ARMH1: variants seen among roughly 807,000 people sequenced by gnomAD.
The protein encoded by ARMH1 is armadillo like helical domain containing 1.
A neutral mutation model predicts 50.2 loss-of-function variants in ARMH1; 34 were observed. The observed-to-expected ratio is 0.68, with a 90% CI of 0.51 to 0.90. ARMH1 has a LOEUF of 0.90. Ranked by LOEUF, ARMH1 falls within the 40% of genes least tolerant of loss-of-function variation. The pLI, the probability that ARMH1 is intolerant of heterozygous loss-of-function variation, is 0.00. For synonymous variants in ARMH1, 221 were observed against 224.2 expected (o/e 0.99, Z 0.13); for missense variants, 538 against 553.9 (o/e 0.97, Z 0.29).
At chr1:44,713,097 C>CTTT (rs538780455) in intron 6 of ARMH1, among the ~76,000 whole-genome samples, 11 of 118,854 alleles carry the variant, frequency 9.3e-5, no homozygotes, top group Admixed American at 2.7e-4. Context: ...TGCGCCCGGC[C>CTTT]TTTTTTTTTT....
chr1:44,713,545 A>G (rs1646712636), intron 6 of ARMH1, among the ~76,000 whole-genome samples: 2 of 152,204 alleles, frequency 1.3e-5, no homozygotes, highest in African/African-American at 4.8e-5. Context: ...TGCTATTTTT[A>G]AAAGATGCAT....
Position 44,697,124 on chromosome 1 carries a change from G to C in ARMH1, c.229G>C (p.Glu77Gln). ...RITYMTDSCL[E>Q]KLLRSIGIFL... ...CAGCTATATGACTGACTCATGTTTAGAAAAGCTTCTCAGGTCCATTGGCAT... is the reference window on the plus strand; with the variant it reads ...CAGCTATATGACTGACTCATGTTTACAAAAGCTTCTCAGGTCCATTGGCAT... The change falls in exon 3 of 12, where the codon GAA becomes CAA. Residue 77 changes from glutamate (E) to glutamine (Q), a missense_variant. Glu to Gln is a conservative substitution (Grantham distance 29). Coordinates refer to ENST00000535358, the MANE Select transcript of ARMH1 (RefSeq NM_001145636.2). The C allele has an allele frequency of 6.4e-7, 1 of 1,552,190 alleles. No homozygotes were observed.
At position 44,724,802 on chromosome 1, in the gene ARMH1, G is replaced by A. The variant is rs752089217; in HGVS notation, c.1091G>A (p.Arg364His). 14 of 1,543,322 alleles carry A rather than the reference G, an allele frequency of 9.1e-6. No individual in the cohort carries two copies. Among genetic ancestry groups the A allele is most frequent in the Admixed American group, 2.0e-5 (1 of 50,956 alleles). ...QMFPLVAEHV[R>H]KCMGEELYQL... is the part of the protein sequence containing the mutation. ...TTCCCCTTGGTGGCGGAGCACGTGC[G>A]CAAGTGCATGGGGGAGGAACTCTAC... The change falls in exon 10 of 12, where the codon CGC (arginine) becomes CAC (histidine). Residue 364 changes from arginine to histidine, a missense_variant. Coordinates refer to ENST00000535358, the MANE Select transcript of ARMH1 (RefSeq NM_001145636.2). This position sits in a 1 kb window ranked among gnomAD's most constrained non-coding sequence, Gnocchi z 6.4.
In ARMH1 at chr1:44,721,796, A is replaced by C. The variant is rs538856705; in HGVS notation, c.725-2326A>C. ...AGTAACAGAACATTCAGCCTTGCCT[A>C]GGCAAGACTTCAAAAAATTTAACCA... On this transcript the variant is annotated intron_variant, in intron 6 of 11. Transcript: ENST00000535358. 6 of 151,716 alleles carry C rather than the reference A, an allele frequency of 4.0e-5. No homozygotes were observed. The East Asian group carries it at 9.6e-4, about 24-fold the overall frequency. 9.4% of individuals were successfully genotyped at this position (151,716 alleles called of 1,614,324 possible).
At chr1:44,707,821 G>C (rs1646411037) in intron 6 of ARMH1, among the ~76,000 whole-genome samples, 1 of 152,172 alleles carries the variant, frequency 6.6e-6, no homozygotes, top group Admixed American at 6.5e-5. Context: ...CATTTATTCA[G>C]TAACAACTAA....
intron 5 of ARMH1, among the ~76,000 whole-genome samples, chr1:44,703,594 T>G (rs886439127): frequency 1.4e-5 from 2 of 147,192 alleles, no homozygotes; most frequent in African/African-American, 2.5e-5. Flanking sequence ...CTGGGCATGG[T>G]GGCGGGCACC....
Position 44,700,988 on chromosome 1 carries a change from G to T in ARMH1, c.508G>T (p.Val170Phe). Residue 170 changes from valine to phenylalanine, a missense_variant, in exon 5 of 12, where the codon GTT becomes TTT. Coordinates refer to ENST00000535358, the MANE Select transcript of ARMH1 (RefSeq NM_001145636.2). ...KSEETQEEVQ[V>F]LLDSLVHGNP... ...AGAAGAGACCCAGGAGGAAGTGCAG[G>T]TTCTGTTGGATTCTTTGGTCCACGG... 1 of 1,551,644 alleles carries T rather than the reference G, an allele frequency of 6.4e-7. No individual in the cohort carries two copies. The highest frequency in any genetic ancestry group is 8.7e-7 in the Non-Finnish European group (1 of 1,146,986).
At chr1:44,689,204 GGT>G (rs1645575286) in intron 1 of ARMH1, 1 of 157,918 alleles carries the variant, frequency 6.3e-6, no homozygotes, top group Non-Finnish European at 1.4e-5. Flanking sequence ...TGGGATTACA[GGT>G]GCCTGCCACC....
intron 6 of ARMH1, among the ~76,000 whole-genome samples, chr1:44,720,088 T>C (rs1306093332): frequency 6.6e-6 from 1 of 151,138 alleles, no homozygotes; most frequent in East Asian, 1.9e-4. Context: ...TCCTAGCTAC[T>C]TGGGAGGCTG....
Position 44,725,477 on chromosome 1 carries a change from C to G in ARMH1, c.*74C>G, listed in dbSNP as rs1265254522. 1.4e-6 allele frequency: 2 copies of G among 1,449,336 alleles called. No individual in the cohort carries two copies. The highest frequency in any genetic ancestry group is 1.4e-5 in the African/African-American group (1 of 70,856). The allele number at this position is 1,449,336 out of a possible 1,614,324, so 89.8% of individuals were successfully genotyped here. The stretch of plus-strand genomic sequence containing the variant: ...CTGGCAAGAGGAAGGCGCCTGGGGT[C>G]AAGCTCAGAGCCACTCCACTTGGCT... On this transcript the variant is annotated 3_prime_UTR_variant, in exon 12 of 12. Coordinates refer to ENST00000535358, the MANE Select transcript of ARMH1 (RefSeq NM_001145636.2).
intron 1 of ARMH1, among the ~76,000 whole-genome samples, chr1:44,680,939 C>G (rs1043827286): frequency 6.6e-6 from 1 of 151,950 alleles, no homozygotes; most frequent in Non-Finnish European, 1.5e-5. Flanking sequence ...TTGTCAAGGC[C>G]GTAGGAATGA....
rs569413474 is a variant in ARMH1 at position 44,682,091 on chromosome 1, G to T, written c.-23+7218G>T. 6.6e-6 allele frequency among the ~76,000 whole-genome samples: 1 copy of T among 152,354 alleles called. No homozygotes were observed. Among genetic ancestry groups the T allele is most frequent in the East Asian group, 1.9e-4 (1 of 5,194 alleles). ...TCCCAAGCCCAGTGCTCGGCTCAGAGTTGGCACCTGGGAATCTGTTTAATT... is the reference window on the plus strand; with the variant it reads ...TCCCAAGCCCAGTGCTCGGCTCAGATTTGGCACCTGGGAATCTGTTTAATT... On this transcript the variant is annotated intron_variant, in intron 1 of 11. Transcript: ENST00000535358. The surrounding 1 kb of genome is among the most constrained non-coding windows in gnomAD (Gnocchi z 4.5).
At chr1:44,680,007 G>A (rs1645255203) in intron 1 of ARMH1, among the ~76,000 whole-genome samples, 2 of 152,226 alleles carry the variant, frequency 1.3e-5, no homozygotes, top group Admixed American at 1.3e-4. Context: ...CAAACCCCTA[G>A]TTGTCCCAGG....
intron 6 of ARMH1, among the ~76,000 whole-genome samples, chr1:44,718,450 C>T (rs992275897): frequency 6.6e-6 from 1 of 152,242 alleles, no homozygotes; most frequent in African/African-American, 2.4e-5. Context: ...TTTCAGGCAG[C>T]AGCCGGTGCA....
chr1:44,683,376 G>A lies in ARMH1; in HGVS notation c.-22-6300G>A, dbSNP rs1416338614. ...GGTGGGAGGCCCAGACTGAGGAGACGGATTTGAGAGTCGTGCGCCTATAAA... is the reference window on the plus strand; with the variant it reads ...GGTGGGAGGCCCAGACTGAGGAGACAGATTTGAGAGTCGTGCGCCTATAAA... On this transcript the variant is annotated intron_variant, in intron 1 of 11. Coordinates refer to ENST00000535358, the MANE Select transcript of ARMH1 (RefSeq NM_001145636.2). This position sits in a 1 kb window ranked among gnomAD's most constrained non-coding sequence, Gnocchi z 4.2. 1.3e-5 allele frequency among the ~76,000 whole-genome samples: 2 copies of A among 152,166 alleles called. No homozygotes were observed. Among genetic ancestry groups the A allele is most frequent in the African/African-American group, 4.8e-5 (2 of 41,426 alleles).
intron 1 of ARMH1, among the ~76,000 whole-genome samples, chr1:44,685,829 T>A (rs1476093064): frequency 6.6e-6 from 1 of 152,098 alleles, no homozygotes; most frequent in Non-Finnish European, 1.5e-5. Context: ...GGTTTCACCA[T>A]GTTGGCCAGG....
At chr1:44,690,618 C>A (rs145364499) in intron 2 of ARMH1, among the ~76,000 whole-genome samples, 42 of 152,266 alleles carry the variant, frequency 2.8e-4, no homozygotes, top group Non-Finnish European at 1.8e-4. Flanking sequence ...AAAATTGAAT[C>A]CCTGTTTCAA....
At chr1:44,708,877 G>C (rs1321736062) in intron 6 of ARMH1, among the ~76,000 whole-genome samples, 1 of 152,038 alleles carries the variant, frequency 6.6e-6, no homozygotes. Context: ...TTCCCTCAAA[G>C]ACTTCCCTTC....
intron 6 of ARMH1, among the ~76,000 whole-genome samples, chr1:44,709,482 C>T (rs937845113): frequency 2.0e-5 from 3 of 152,112 alleles, no homozygotes; most frequent in Non-Finnish European, 2.9e-5. Context: ...ACCATCCTGG[C>T]TAACACGGTG....
Sources: gnomAD v4.1 joint callset for allele counts (sites outside exome capture counted in the v4.1 genomes callset) on GRCh38, gnomAD v4.1.1 for gene constraint, Gnocchi (gnomAD v3.1) non-coding constraint, MANE v1.5 for transcripts, NCBI Gene and HGNC (gene_info 2026-07-23, HGNC 2026-07-21) for gene names.